NKAIN2: variants seen among roughly 807,000 people sequenced by gnomAD.
NKAIN2 encodes the protein sodium/potassium transporting ATPase interacting 2.
NKAIN2 carries 14 observed loss-of-function variants against 32.6 expected under a neutral mutation model. The observed-to-expected ratio is 0.43, with a 90% CI of 0.28 to 0.67. The LOEUF (loss-of-function observed/expected upper bound fraction) is 0.67, where lower values mean the gene tolerates loss of function less well. NKAIN2 is among the 30% of genes least tolerant of loss of function. The probability of loss-of-function intolerance (pLI) is 0.17; values close to 1 mark genes in which losing one functional copy is unlikely to be tolerated. For synonymous variants in NKAIN2, 80 were observed against 87.2 expected (o/e 0.92, Z 0.46); for missense variants, 198 against 258.3 (o/e 0.77, Z 1.60).
chr6:123,958,796 C>T lies in NKAIN2; in HGVS notation c.54+154542C>T, dbSNP rs1213100939. Among the ~76,000 whole-genome samples, 4 of 152,330 alleles carry T rather than the reference C, an allele frequency of 2.6e-5. No homozygotes were observed. In the East Asian group the frequency reaches 7.7e-4, roughly 29 times the overall value. ...GCTACGTCAACCTCAGAGCTTACAACAGTAATCAGTGCACCAATAAACATT... is the reference window on the plus strand; with the variant it reads ...GCTACGTCAACCTCAGAGCTTACAATAGTAATCAGTGCACCAATAAACATT... On this transcript the variant is annotated intron_variant, in intron 1 of 6. Transcript: ENST00000368417.
At chr6:124,482,377 T>A (rs1184388905) in intron 3 of NKAIN2, among the ~76,000 whole-genome samples, 2 of 151,796 alleles carry the variant, frequency 1.3e-5, no homozygotes, top group Admixed American at 1.3e-4. Context: ...TCAATAAAGA[T>A]AAGAGATCTA....
At chr6:124,770,246 A>G (rs1304634107) in intron 4 of NKAIN2, among the ~76,000 whole-genome samples, 2 of 152,220 alleles carry the variant, frequency 1.3e-5, no homozygotes, top group African/African-American at 4.8e-5. Flanking sequence ...CTGTTCCTAG[A>G]TGCAACTCCA....
intron 1 of NKAIN2, among the ~76,000 whole-genome samples, chr6:123,851,102 A>G (rs1390045704): frequency 6.6e-6 from 1 of 152,008 alleles, no homozygotes; most frequent in East Asian, 1.9e-4. Context: ...CCATTGATGG[A>G]CACTTAGGTT....
At chr6:124,101,172 G>A (rs1183759835) in intron 1 of NKAIN2, among the ~76,000 whole-genome samples, 1 of 152,140 alleles carries the variant, frequency 6.6e-6, no homozygotes, top group Non-Finnish European at 1.5e-5. Flanking sequence ...TCAGTTTAAA[G>A]TTGGCATTTT....
chr6:124,026,645 G>A (rs1237471435), intron 1 of NKAIN2, among the ~76,000 whole-genome samples: 1 of 152,148 alleles, frequency 6.6e-6, no homozygotes, highest in Non-Finnish European at 1.5e-5. Flanking sequence ...ACTGAACTAT[G>A]CAGGCATCAC....
At chr6:123,920,154 C>T (rs780516821) in intron 1 of NKAIN2, among the ~76,000 whole-genome samples, 4 of 151,834 alleles carry the variant, frequency 2.6e-5, no homozygotes, top group Non-Finnish European at 5.9e-5. Context: ...CTGTTCCATG[C>T]GATGCAGATT....
At chr6:124,781,254 T>C (rs1185736183) in intron 4 of NKAIN2, among the ~76,000 whole-genome samples, 2 of 152,156 alleles carry the variant, frequency 1.3e-5, no homozygotes, top group African/African-American at 4.8e-5. Flanking sequence ...TCTCATTATG[T>C]CTGAATCTTG....
intron 3 of NKAIN2, among the ~76,000 whole-genome samples, chr6:124,615,670 T>A (rs1782859339): frequency 6.6e-6 from 1 of 150,674 alleles, no homozygotes; most frequent in Non-Finnish European, 1.5e-5. Context: ...CATTATTTCT[T>A]CAAATATTTT....
intron 1 of NKAIN2, among the ~76,000 whole-genome samples, chr6:123,903,949 C>A (rs182335225): frequency 4.6e-5 from 7 of 151,146 alleles, no homozygotes; most frequent in Non-Finnish European, 1.0e-4. Context: ...AATGATTGGC[C>A]GGGCGTGGTG....
intron 4 of NKAIN2, among the ~76,000 whole-genome samples, chr6:124,659,764 T>C (rs1472418123): frequency 6.6e-6 from 1 of 151,976 alleles, no homozygotes; most frequent in Non-Finnish European, 1.5e-5. Flanking sequence ...GGAAGGCTCA[T>C]TGTTCACAGT....
At chr6:124,173,421 A>G (rs1357873123) in intron 1 of NKAIN2, among the ~76,000 whole-genome samples, 1 of 152,122 alleles carries the variant, frequency 6.6e-6, no homozygotes, top group Non-Finnish European at 1.5e-5. Context: ...ATGAAGTGAG[A>G]TACCTATTCC....
intron 1 of NKAIN2, among the ~76,000 whole-genome samples, chr6:124,124,153 T>C (rs1786032269): frequency 6.6e-6 from 1 of 152,200 alleles, no homozygotes; most frequent in Admixed American, 6.6e-5. Flanking sequence ...TAATTTCTAA[T>C]TTTAAAAAGC....
intron 3 of NKAIN2, among the ~76,000 whole-genome samples, chr6:124,577,629 G>A (rs1781379901): frequency 6.6e-6 from 1 of 152,116 alleles, no homozygotes; most frequent in African/African-American, 2.4e-5. Flanking sequence ...AGGCAGTGTA[G>A]GCCACAAGGA....
intron 3 of NKAIN2, among the ~76,000 whole-genome samples, chr6:124,417,814 T>C (rs1213691972): frequency 2.0e-5 from 3 of 152,174 alleles, no homozygotes; most frequent in Non-Finnish European, 4.4e-5. Flanking sequence ...ACATTCTCTA[T>C]TTTACTTTCT....
Position 124,818,418 on chromosome 6 carries a change from C to T in NKAIN2, c.567C>T (p.Gly189=), listed in dbSNP as rs749708571. 5 of 1,604,852 alleles carry T rather than the reference C, an allele frequency of 3.1e-6. No homozygotes were observed. The South Asian group carries it at 4.4e-5, about 14-fold the overall frequency. ...TCATAGGTGGCTTTGACTCTTATGGCTATCAAGGGCCTCAGAAGACATCTC... is the reference window on the plus strand; with the variant it reads ...TCATAGGTGGCTTTGACTCTTATGGTTATCAAGGGCCTCAGAAGACATCTC... ...FDFIGGFDSY[G]YQGPQKTSHL... is the part of the protein sequence containing the mutation. The change falls in exon 6 of 7, where the codon GGC becomes GGT. Residue 189 remains glycine, a synonymous_variant. Coordinates refer to ENST00000368417, the MANE Select transcript of NKAIN2 (RefSeq NM_001040214.3).
At chr6:124,493,735 A>C (rs1212663648) in intron 3 of NKAIN2, among the ~76,000 whole-genome samples, 11 of 135,588 alleles carry the variant, frequency 8.1e-5, no homozygotes, top group Admixed American at 3.0e-4. Flanking sequence ...AAAAAAAAAA[A>C]AAAAACAGTC....
chr6:124,486,863 C>G (rs1035861510), intron 3 of NKAIN2, among the ~76,000 whole-genome samples: 1 of 151,968 alleles, frequency 6.6e-6, no homozygotes, highest in Non-Finnish European at 1.5e-5. Flanking sequence ...ATCTTCTTAT[C>G]CTAGCCTTCA....
chr6:123,971,217 A>G (rs922145926), intron 1 of NKAIN2, among the ~76,000 whole-genome samples: 14 of 152,246 alleles, frequency 9.2e-5, no homozygotes, highest in African/African-American at 3.1e-4. Flanking sequence ...GTGACAGTGG[A>G]ACTAATGCTC....
intron 1 of NKAIN2, among the ~76,000 whole-genome samples, chr6:123,900,341 C>T (rs1468440128): frequency 4.6e-5 from 7 of 151,724 alleles, no homozygotes; most frequent in Non-Finnish European, 1.0e-4. Context: ...GGCACGGTGG[C>T]ACGTGCCTGT....
Sources: allele counts gnomAD v4.1 joint callset (sites outside exome capture counted in the v4.1 genomes callset), GRCh38; gene constraint gnomAD v4.1.1; transcripts MANE v1.5; gene names NCBI Gene and HGNC (gene_info 2026-07-23, HGNC 2026-07-21).